The following TESK2 variants were observed in gnomAD, a reference collection of about 807,000 sequenced individuals.
The protein encoded by TESK2 is dual specificity testis-specific protein kinase 2.
Under a neutral mutation model 57.1 loss-of-function variants are expected in TESK2, and 39 were observed. The ratio of observed to expected loss-of-function variants is 0.68; its 90% CI spans 0.53 to 0.89. The LOEUF (loss-of-function observed/expected upper bound fraction) is 0.89. Ranked by LOEUF, TESK2 falls within the 40% of genes least tolerant of loss-of-function variation. The probability of loss-of-function intolerance (pLI) is 0.00; values close to 1 mark genes in which losing one functional copy is unlikely to be tolerated. For missense variants in TESK2, 646 were observed against 732.1 expected (o/e 0.88, Z 1.36); for synonymous variants, 249 against 267.9 (o/e 0.93, Z 0.69).
In TESK2 at chr1:45,384,613, T is replaced by TA. The variant is rs1553147554; in HGVS notation, c.393+1298_393+1299insT. ...TATTAATTTTTTTTTTTTTTTTTTTTTTTTTTTTTTTTTGTAGAGACAGAG... is the reference window on the plus strand; with the variant it reads ...TATTAATTTTTTTTTTTTTTTTTTTTATTTTTTTTTTTTTGTAGAGACAGAG... On this transcript the variant is annotated intron_variant, in intron 4 of 10. Coordinates refer to ENST00000372086, the MANE Select transcript of TESK2 (RefSeq NM_007170.3). Among the ~76,000 whole-genome samples, 1,050 of 135,564 alleles carry TA rather than the reference T, an allele frequency of 7.7e-3. 21 individuals carry two copies. Among genetic ancestry groups the TA allele is most frequent in the African/African-American group, 0.022 (785 of 35,974 alleles). The allele number at this position is 135,564 out of a possible 152,430, so 88.9% of individuals were successfully genotyped here. A position where few individuals can be genotyped will look rare whatever the true frequency, so the allele number is the denominator to read the frequency against.
At chr1:45,465,040 C>T (rs552812604) in intron 1 of TESK2, among the ~76,000 whole-genome samples, 25 of 152,042 alleles carry the variant, frequency 1.6e-4, no homozygotes, top group Admixed American at 9.8e-4. Flanking sequence ...AGTTCGAGAC[C>T]GGCCTGGCCA....
chr1:45,470,053 A>G (rs543615765), intron 1 of TESK2, among the ~76,000 whole-genome samples: 41 of 152,318 alleles, frequency 2.7e-4, no homozygotes, highest in African/African-American at 9.4e-4. Flanking sequence ...AGTCATCAAA[A>G]AAGATTTCTG....
Position 45,345,034 on chromosome 1 carries a change from GAGC to G in TESK2, c.1519_1521del (p.Ala507del). 1 of 1,614,246 alleles carries G rather than the reference GAGC, an allele frequency of 6.2e-7. No homozygotes were observed. Among genetic ancestry groups the G allele is most frequent in the Non-Finnish European group, 8.5e-7 (1 of 1,180,044 alleles). ...GAGCAGTCCATAGCCTCATGGGCTT[GAGC>G]AGCTGGTAGGGCAGATGCCCGGAAT... On this transcript the variant is annotated inframe_deletion, in exon 11 of 11. Transcript: ENST00000372086.
chr1:45,392,572 A>G, intron 3 of TESK2, among the ~76,000 whole-genome samples: 1 of 152,142 alleles, frequency 6.6e-6, no homozygotes, highest in South Asian at 2.1e-4. Flanking sequence ...GTGGTGGCAC[A>G]TGCCTGTAAT....
rs1266917689 is a variant in TESK2 at position 45,474,154 on chromosome 1, T to G, written c.-86-16283A>C. Among the ~76,000 whole-genome samples, 4 of 151,698 alleles carry G rather than the reference T, an allele frequency of 2.6e-5. No homozygotes were observed. In the East Asian group the frequency reaches 7.8e-4, roughly 30 times the overall value. ...TTCGAGACCAGCCTGGCCAACATTA[T>G]GAAACCCTATCTCTACCAAAAATAC... On this transcript the variant is annotated intron_variant, in intron 1 of 10. Coordinates refer to ENST00000372086, the MANE Select transcript of TESK2 (RefSeq NM_007170.3).
intron 2 of TESK2, among the ~76,000 whole-genome samples, chr1:45,437,775 A>G (rs1004054463): frequency 6.6e-6 from 1 of 152,194 alleles, no homozygotes; most frequent in African/African-American, 2.4e-5. Context: ...ATTTTATAAA[A>G]TACTTTTTCT....
intron 4 of TESK2, among the ~76,000 whole-genome samples, chr1:45,368,527 C>T (rs1396041416): frequency 2.0e-5 from 3 of 151,906 alleles, no homozygotes; most frequent in Non-Finnish European, 4.4e-5. Flanking sequence ...GCGCCTGCCA[C>T]CACGCCCGGC....
chr1:45,437,386 T>C (rs1651278055), intron 2 of TESK2, among the ~76,000 whole-genome samples: 1 of 152,200 alleles, frequency 6.6e-6, no homozygotes, highest in South Asian at 2.1e-4. Context: ...AAATGCTGAT[T>C]TTTGTGCATT....
At chr1:45,448,018 T>TGTGTGC (rs1651707250) in intron 2 of TESK2, among the ~76,000 whole-genome samples, 2 of 149,998 alleles carry the variant, frequency 1.3e-5, no homozygotes, top group East Asian at 3.9e-4. Flanking sequence ...ACTCAATGTG[T>TGTGTGC]GTGTGTGTGT....
In TESK2 at chr1:45,392,717, A is replaced by AT. The variant is rs746052865; in HGVS notation, c.345-6758dup. Among the ~76,000 whole-genome samples, 70 of 151,368 alleles carry AT rather than the reference A, an allele frequency of 4.6e-4. 1 individual carries two copies. The highest frequency in any genetic ancestry group is 2.0e-3 in the East Asian group (10 of 5,106). On this transcript the variant is annotated intron_variant, in intron 3 of 10. Coordinates refer to ENST00000372086, the MANE Select transcript of TESK2 (RefSeq NM_007170.3). ...ACTCTGTCTCAAAAAAAAAAAAAAA[A>AT]TTTATTTTTTAGAGATAGTATTGCT...
chr1:45,480,154 A>C (rs908447487), intron 1 of TESK2, among the ~76,000 whole-genome samples: 6 of 151,354 alleles, frequency 4.0e-5, no homozygotes, highest in African/African-American at 1.5e-4. Context: ...CTCAATATCC[A>C]AAAGCTATAA....
chr1:45,354,021 T>C (rs900634665), intron 5 of TESK2, among the ~76,000 whole-genome samples: 1 of 152,228 alleles, frequency 6.6e-6, no homozygotes, highest in Non-Finnish European at 1.5e-5. Flanking sequence ...TAAAAATCAC[T>C]GAACTCCTGC....
rs79019514 is a variant in TESK2 at position 45,423,164 on chromosome 1, G to T, written c.223-1318C>A. 7.3e-3 allele frequency among the ~76,000 whole-genome samples: 1,109 copies of T among 152,244 alleles called. 13 individuals carry two copies. Among genetic ancestry groups the T allele is most frequent in the African/African-American group, 0.025 (1,045 of 41,546 alleles). ...GAGTCCCTTCTGTGGCATTCTAAGT[G>T]TGCAAAACGAAGATATATGCATGAG... On this transcript the variant is annotated intron_variant, in intron 2 of 10. Coordinates refer to ENST00000372086, the MANE Select transcript of TESK2 (RefSeq NM_007170.3).
At chr1:45,465,789 G>C (rs1008982991) in intron 1 of TESK2, among the ~76,000 whole-genome samples, 9 of 152,104 alleles carry the variant, frequency 5.9e-5, no homozygotes, top group Non-Finnish European at 1.3e-4. Context: ...ACAACCTAAA[G>C]TTCATCTGTA....
chr1:45,484,937 A>G (rs1247757749), intron 1 of TESK2, among the ~76,000 whole-genome samples: 1 of 145,030 alleles, frequency 6.9e-6, no homozygotes, highest in Non-Finnish European at 1.5e-5. Flanking sequence ...AGGCCGAGGC[A>G]GGAGAATGGC....
At chr1:45,483,096 G>A (rs190167879) in intron 1 of TESK2, among the ~76,000 whole-genome samples, 10 of 150,302 alleles carry the variant, frequency 6.7e-5, no homozygotes, top group Non-Finnish European at 1.2e-4. Flanking sequence ...TGGCTAACAC[G>A]GCGAAACCCC....
intron 2 of TESK2, among the ~76,000 whole-genome samples, chr1:45,433,442 G>A (rs61788261): frequency 0.25 from 38,433 of 151,216 alleles, 4,987 homozygotes; most frequent in East Asian, 0.36. Context: ...TCTATCCCAC[G>A]CACCCTTCCC....
intron 1 of TESK2, among the ~76,000 whole-genome samples, chr1:45,458,279 T>A (rs1652192392): frequency 6.6e-6 from 1 of 152,100 alleles, no homozygotes; most frequent in Non-Finnish European, 1.5e-5. Context: ...AGAGATAAAA[T>A]GGAAGCTGGG....
At chr1:45,405,557 C>T (rs971195968) in intron 3 of TESK2, among the ~76,000 whole-genome samples, 1 of 151,326 alleles carries the variant, frequency 6.6e-6, no homozygotes, top group Non-Finnish European at 1.5e-5. Context: ...TTTGGGAGGC[C>T]GAGGCGGGCA....
Sources: allele counts gnomAD v4.1 joint callset (sites outside exome capture counted in the v4.1 genomes callset), GRCh38; gene constraint gnomAD v4.1.1; transcripts MANE v1.5; gene names NCBI Gene and HGNC (gene_info 2026-07-23, HGNC 2026-07-21).